The following PCMTD1 variants were observed in gnomAD, a reference collection of about 807,000 sequenced individuals.
PCMTD1 encodes the protein protein-L-isoaspartate (D-aspartate) O-methyltransferase domain containing 1.
PCMTD1 carries 12 observed loss-of-function variants against 37.6 expected under a neutral mutation model. The ratio of observed to expected loss-of-function variants is 0.32; its 90% confidence interval spans 0.20 to 0.52. The LOEUF is 0.52. PCMTD1 is among the 20% of genes least tolerant of loss of function. PCMTD1 has a pLI of 0.97. For missense variants in PCMTD1, 235 were observed against 421.3 expected (o/e 0.56, Z 3.87); for synonymous variants, 117 against 135.8 (o/e 0.86, Z 0.96).
At position 51,881,779 on chromosome 8, in the gene PCMTD1, C is replaced by CT. The variant is rs541730176; in HGVS notation, c.-96+17150dup. Among the ~76,000 whole-genome samples, 14 of 152,278 alleles carry CT rather than the reference C, an allele frequency of 9.2e-5. No individual in the cohort carries two copies. The East Asian group carries it at 2.5e-3, about 27-fold the overall frequency. On this transcript the variant is annotated intron_variant, in intron 1 of 5. Transcript: ENST00000522514. ...TCGGTGTAAGTCAAAAGCCACAGAA[C>CT]TTTGCTCATATCTGGGCTCCATTTT...
chr8:51,822,745 C>A (rs1276871995), intron 5 of PCMTD1, among the ~76,000 whole-genome samples: 1 of 152,174 alleles, frequency 6.6e-6, no homozygotes, highest in African/African-American at 2.4e-5. Flanking sequence ...CTCATGTCAT[C>A]AGCCCATCGT....
chr8:51,850,477 C>G (rs2038288875), intron 2 of PCMTD1, among the ~76,000 whole-genome samples: 1 of 152,156 alleles, frequency 6.6e-6, no homozygotes, highest in African/African-American at 2.4e-5. Context: ...TGGAATCTCT[C>G]AGGGCGTGAC....
At chr8:51,887,276 A>G (rs1272064296) in intron 1 of PCMTD1, among the ~76,000 whole-genome samples, 1 of 152,128 alleles carries the variant, frequency 6.6e-6, no homozygotes, top group Non-Finnish European at 1.5e-5. Context: ...CACACTACCC[A>G]AACTTTGACT....
intron 1 of PCMTD1, among the ~76,000 whole-genome samples, chr8:51,891,925 C>T (rs1030592592): frequency 5.9e-5 from 9 of 151,960 alleles, no homozygotes; most frequent in African/African-American, 2.2e-4. Context: ...ATTCCATGTA[C>T]TTGTTATTCA....
intron 1 of PCMTD1, among the ~76,000 whole-genome samples, chr8:51,879,212 G>T (rs1344175157): frequency 6.6e-6 from 1 of 151,008 alleles, no homozygotes; most frequent in Non-Finnish European, 1.5e-5. Context: ...CTCACTCCTA[G>T]ATCTGTCACT....
chr8:51,829,320 C>A (rs1029363941), intron 5 of PCMTD1, among the ~76,000 whole-genome samples: 25 of 152,178 alleles, frequency 1.6e-4, no homozygotes, highest in Non-Finnish European at 3.2e-4. Context: ...ACCACAGAGC[C>A]ATGCAAGCCT....
chr8:51,857,496 C>G (rs1004349389), intron 2 of PCMTD1, among the ~76,000 whole-genome samples: 6 of 152,122 alleles, frequency 3.9e-5, no homozygotes, highest in Non-Finnish European at 8.8e-5. Context: ...AACTTGCCTT[C>G]GTGGTTCTGA....
intron 1 of PCMTD1, among the ~76,000 whole-genome samples, chr8:51,880,199 C>T (rs1563360432): frequency 2.5e-5 from 2 of 79,810 alleles, no homozygotes; most frequent in East Asian, 3.1e-4. Flanking sequence ...GATCCTGTCT[C>T]CTTTTAATGA....
chr8:51,897,773 A>G (rs2039028168), intron 1 of PCMTD1, among the ~76,000 whole-genome samples: 1 of 152,180 alleles, frequency 6.6e-6, no homozygotes, highest in African/African-American at 2.4e-5. Context: ...GGCTTCCCCA[A>G]GCCTACGTAG....
At chr8:51,883,138 A>G (rs1400931488) in intron 1 of PCMTD1, among the ~76,000 whole-genome samples, 2 of 151,992 alleles carry the variant, frequency 1.3e-5, no homozygotes, top group Non-Finnish European at 2.9e-5. Context: ...TTCCGTCTCA[A>G]AAAAAAAGAA....
chr8:51,821,006 A>C (rs1318304942), intron 5 of PCMTD1, among the ~76,000 whole-genome samples: 1 of 152,238 alleles, frequency 6.6e-6, no homozygotes, highest in Non-Finnish European at 1.5e-5. Flanking sequence ...AACAGGGTAC[A>C]TGACTGTGAA....
Position 51,845,705 on chromosome 8 carries a change from C to A in PCMTD1, c.366G>T (p.Lys122Asn), listed in dbSNP as rs2038207972. ...TTTTGATGAAGCTCTCCAGTTTTTC[C>A]TTGGCATATTCCACCACATCTGAAT... ...ELHSDVVEYA[K>N]EKLESFIKNS... The change falls in exon 3 of 6, where the codon AAG becomes AAT. Residue 122 changes from lysine to asparagine, a missense_variant. By Grantham distance (94) the Lys-to-Asn change is moderately conservative (BLOSUM62 0). This residue lies in a region of PCMTD1 where 183 missense variants were observed against 349.3 expected (regional missense o/e 0.52). Coordinates refer to ENST00000522514, the MANE Select transcript of PCMTD1 (RefSeq NM_052937.4). The A allele has an allele frequency of 1.2e-6, 2 of 1,613,002 alleles. No individual in the cohort carries two copies. The highest frequency in any genetic ancestry group is 2.7e-5 in the African/African-American group (2 of 74,860).
intron 5 of PCMTD1, chr8:51,827,435 G>A (rs2037936760): frequency 2.1e-6 from 1 of 483,644 alleles, no homozygotes; most frequent in South Asian, 1.6e-5. Flanking sequence ...TCTGAGTAGT[G>A]TAGTATAATT....
In PCMTD1 at chr8:51,883,247, GTAT is replaced by G. The variant is rs1286087481; in HGVS notation, c.-96+15680_-96+15682del. Among the ~76,000 whole-genome samples the G allele has an allele frequency of 7.9e-5, 12 of 152,194 alleles. No individual in the cohort carries two copies. In the South Asian group the frequency reaches 2.3e-3, roughly 29 times the overall value. ...TGGAATAAAACCTATGAAACCAAAA[GTAT>G]TATCATCAGATTATAAAGTATTTAA... On this transcript the variant is annotated intron_variant, in intron 1 of 5. Coordinates refer to ENST00000522514, the MANE Select transcript of PCMTD1 (RefSeq NM_052937.4).
chr8:51,867,476 GGTGTGTGTGTGTGTGTGTGTGTGTGT>G (rs59206546), intron 1 of PCMTD1, among the ~76,000 whole-genome samples: 21 of 141,590 alleles, frequency 1.5e-4, no homozygotes, highest in Admixed American at 8.6e-4. Context: ...TAAAGAAAAT[GGTGTGTGTGTGTGTGTGTGTGTGTGT>G]GTGTGTGTGT....
chr8:51,863,377 C>T (rs2038502994), intron 1 of PCMTD1, among the ~76,000 whole-genome samples: 2 of 152,180 alleles, frequency 1.3e-5, no homozygotes, highest in Admixed American at 1.3e-4. Context: ...GTCTTTACCA[C>T]ATAGCTCACA....
chr8:51,844,761 C>T (rs1269384320), intron 3 of PCMTD1: 1 of 152,212 alleles, frequency 6.6e-6, no homozygotes, highest in Admixed American at 6.5e-5. Flanking sequence ...TAGAGAAAAG[C>T]CCTCAGTTCT....
chr8:51,856,378 T>C (rs915523912), intron 2 of PCMTD1, among the ~76,000 whole-genome samples: 3 of 152,190 alleles, frequency 2.0e-5, no homozygotes, highest in African/African-American at 7.2e-5. Context: ...AGTGAGGATG[T>C]GAATAAACTA....
chr8:51,829,167 A>C (rs2129274902), intron 5 of PCMTD1, among the ~76,000 whole-genome samples: 1 of 152,316 alleles, frequency 6.6e-6, no homozygotes, highest in African/African-American at 2.4e-5. Context: ...AATCAGATCT[A>C]TGACTCTCAC....
Sources: allele counts gnomAD v4.1 joint callset (sites outside exome capture counted in the v4.1 genomes callset), GRCh38; gene constraint gnomAD v4.1.1; regional missense constraint gnomAD v4.1.1; transcripts MANE v1.5; gene names NCBI Gene and HGNC (gene_info 2026-07-23, HGNC 2026-07-21).